Variants in NCMAP observed in about 807,000 individuals in gnomAD.
NCMAP encodes non-compact myelin associated protein.
NCMAP carries 8 observed loss-of-function variants against 7.8 expected under a neutral mutation model. The ratio of observed to expected loss-of-function variants is 1.02; its 90% CI spans 0.60 to 1.84. The LOEUF (loss-of-function observed/expected upper bound fraction) is 1.84, where lower values mean the gene tolerates loss of function less well. Ranked by LOEUF, NCMAP falls within the 40% of genes most tolerant of loss-of-function variation. The pLI, the probability that NCMAP is intolerant of heterozygous loss-of-function variation, is 0.00. For missense variants in NCMAP, 112 were observed against 131.4 expected (o/e 0.85, Z 0.72); for synonymous variants, 41 against 52.9 (o/e 0.78, Z 0.98).
intron 3 of NCMAP, 51 bp from the exon 4 acceptor site, chr1:24,605,555 C>G: frequency 6.3e-7 from 1 of 1,596,846 alleles, no homozygotes; most frequent in African/African-American, 1.3e-5. Flanking sequence ...GCCCATTCCC[C>G]GCGGCATACC....
intron 2 of NCMAP, among the ~76,000 whole-genome samples, chr1:24,597,680 A>G (rs147476938): frequency 0.026 from 2,736 of 106,518 alleles, 69 homozygotes; most frequent in Middle Eastern, 0.036. Context: ...AGAAAAGAAA[A>G]AGAAAGAAAG....
At chr1:24,595,193 T>C (rs1168809187) in intron 1 of NCMAP, among the ~76,000 whole-genome samples, 3 of 152,196 alleles carry the variant, frequency 2.0e-5, no homozygotes, top group Non-Finnish European at 4.4e-5. Flanking sequence ...GTAAATATGG[T>C]TGAATAAATT....
chr1:24,572,552 G>A (rs1159499579), intron 1 of NCMAP, among the ~76,000 whole-genome samples: 2 of 150,382 alleles, frequency 1.3e-5, no homozygotes, highest in South Asian at 2.1e-4. Flanking sequence ...TGCCAGGGCC[G>A]GCTCTGGACA....
chr1:24,569,025 T>TG (rs1295192028), intron 1 of NCMAP, among the ~76,000 whole-genome samples: 1 of 132,768 alleles, frequency 7.5e-6, no homozygotes, highest in Non-Finnish European at 1.6e-5. Context: ...TGTTTTGTTT[T>TG]GTTTTTTTTT....
intron 1 of NCMAP, among the ~76,000 whole-genome samples, chr1:24,589,036 C>T (rs1651968788): frequency 6.6e-6 from 1 of 152,116 alleles, no homozygotes; most frequent in African/African-American, 2.4e-5. Flanking sequence ...TCATATTAGC[C>T]TTGTGAAGTT....
intron 1 of NCMAP, among the ~76,000 whole-genome samples, chr1:24,567,280 A>G (rs1651255964): frequency 6.6e-6 from 1 of 152,188 alleles, no homozygotes; most frequent in South Asian, 2.1e-4. Context: ...CCTAGAATAG[A>G]AAGGAAGCCG....
chr1:24,583,738 A>G (rs1304689092), intron 1 of NCMAP, among the ~76,000 whole-genome samples: 1 of 144,814 alleles, frequency 6.9e-6, no homozygotes, highest in Non-Finnish European at 1.5e-5. Context: ...AAAAAAAAAA[A>G]GTGAGCAGGT....
Position 24,576,572 on chromosome 1 carries a change from A to G in NCMAP, c.-7-18852A>G, listed in dbSNP as rs937709537. Among the ~76,000 whole-genome samples the G allele has an allele frequency of 7.9e-5, 12 of 152,124 alleles. No individual in the cohort carries two copies. Among genetic ancestry groups the G allele is most frequent in the Admixed American group, 2.6e-4 (4 of 15,268 alleles). On this transcript the variant is annotated intron_variant, in intron 1 of 3. Coordinates refer to ENST00000374392, the MANE Select transcript of NCMAP (RefSeq NM_001010980.5). This position sits in a 1 kb window ranked among gnomAD's most constrained non-coding sequence, Gnocchi z 4.0. ...CAAGTGAGAGGCTGGAAGAGTCACAAGGAGGAAGGGGCCAGAGAGGGAGGT... is the reference window on the plus strand; with the variant it reads ...CAAGTGAGAGGCTGGAAGAGTCACAGGGAGGAAGGGGCCAGAGAGGGAGGT...
chr1:24,568,726 T>C lies in NCMAP; in HGVS notation c.-8+12557T>C, dbSNP rs552183039. On this transcript the variant is annotated intron_variant, in intron 1 of 3. Coordinates refer to ENST00000374392, the MANE Select transcript of NCMAP (RefSeq NM_001010980.5). ...AGGTCAGTCTGGCTCTGACCACTAC[T>C]GGTTCATTTTCAAGCATCTCAAACT... is the stretch of plus-strand genomic sequence containing the variant. Among the ~76,000 whole-genome samples, 22 of 152,290 alleles carry C rather than the reference T, an allele frequency of 1.4e-4. No homozygotes were observed. The South Asian group carries it at 4.4e-3, about 30-fold the overall frequency.
intron 1 of NCMAP, among the ~76,000 whole-genome samples, chr1:24,583,489 G>A (rs1008564856): frequency 7.9e-5 from 12 of 152,254 alleles, no homozygotes; most frequent in East Asian, 7.7e-4. Context: ...CAAGGCGGGC[G>A]GATCACCTGA....
At chr1:24,561,846 G>T (rs1557591402) in intron 1 of NCMAP, among the ~76,000 whole-genome samples, 1 of 151,498 alleles carries the variant, frequency 6.6e-6, no homozygotes, top group South Asian at 2.1e-4. Flanking sequence ...GGAGGCAGAG[G>T]TTGCAGTGAG....
In NCMAP at chr1:24,607,262, A is replaced by G. The variant is rs1361016591; in HGVS notation, c.*1515A>G. 1 of 151,934 alleles carries G rather than the reference A, an allele frequency of 6.6e-6. No individual in the cohort carries two copies. The highest frequency in any genetic ancestry group is 2.4e-5 in the African/African-American group (1 of 41,390). The allele number at this position is 151,934 out of a possible 1,614,324, so 9.4% of individuals were successfully genotyped here. ...GTGATCCTTCTGCTTTGGCCTCCCA[A>G]AGTGCTGGGATTACAGGCATGGACT... is the stretch of plus-strand genomic sequence containing the variant. On this transcript the variant is annotated 3_prime_UTR_variant, in exon 4 of 4. Coordinates refer to ENST00000374392, the MANE Select transcript of NCMAP (RefSeq NM_001010980.5).
rs146983525 is a variant in NCMAP, at chr1:24,570,714, C to T, written c.-8+14545C>T. Among the ~76,000 whole-genome samples the T allele has an allele frequency of 2.1e-3, 318 of 151,006 alleles. 11 individuals are homozygous for T. The East Asian group carries it at 0.055, about 26-fold the overall frequency. Reference sequence around the variant, plus strand: ...TCAGAACCCTCAGCCTCTGAGCTCACGGCACCTCTGTGTTAGTGTCTCATC... The same window carrying T: ...TCAGAACCCTCAGCCTCTGAGCTCATGGCACCTCTGTGTTAGTGTCTCATC... On this transcript the variant is annotated intron_variant, in intron 1 of 3. Coordinates refer to ENST00000374392, the MANE Select transcript of NCMAP (RefSeq NM_001010980.5).
intron 1 of NCMAP, among the ~76,000 whole-genome samples, chr1:24,575,476 T>C (rs765233771): frequency 6.6e-6 from 1 of 152,266 alleles, no homozygotes; most frequent in Non-Finnish European, 1.5e-5. Flanking sequence ...ATGAGGCTCC[T>C]GGAGGGTGAA....
chr1:24,584,195 C>G (rs992928603), intron 1 of NCMAP, among the ~76,000 whole-genome samples: 1 of 152,156 alleles, frequency 6.6e-6, no homozygotes, highest in East Asian at 1.9e-4. Flanking sequence ...CTATGGAGGT[C>G]GAGGACTCTC....
At chr1:24,557,487 T>A (rs1650932893) in intron 1 of NCMAP, among the ~76,000 whole-genome samples, 1 of 151,924 alleles carries the variant, frequency 6.6e-6, no homozygotes, top group Non-Finnish European at 1.5e-5. Flanking sequence ...GTGGTGGTAG[T>A]AGAAAGTGAC....
chr1:24,595,295 C>G (rs943610924), intron 1 of NCMAP, 129 bp from the exon 2 acceptor site: 2 of 617,828 alleles, frequency 3.2e-6, no homozygotes, highest in Non-Finnish European at 5.6e-6. Context: ...TTTGCATTTA[C>G]TTGCTGCCAA....
intron 1 of NCMAP, among the ~76,000 whole-genome samples, chr1:24,592,412 T>C (rs963111563): frequency 2.0e-5 from 3 of 152,156 alleles, no homozygotes; most frequent in African/African-American, 7.2e-5. Context: ...GCCACGTTGA[T>C]ATTTAATAGA....
At chr1:24,560,265 C>G (rs1004460911) in intron 1 of NCMAP, among the ~76,000 whole-genome samples, 2 of 151,724 alleles carry the variant, frequency 1.3e-5, no homozygotes, top group African/African-American at 4.8e-5. Context: ...TTTAAAAATT[C>G]GTCCCACAAT....
Sources: allele counts gnomAD v4.1 joint callset (sites outside exome capture counted in the v4.1 genomes callset), GRCh38; gene constraint gnomAD v4.1.1; non-coding constraint Gnocchi (gnomAD v3.1); transcripts MANE v1.5; gene names NCBI Gene and HGNC (gene_info 2026-07-23, HGNC 2026-07-21).